Variants in MMP26 observed in about 807,000 individuals in gnomAD.
The protein encoded by MMP26 is matrix metallopeptidase 26.
Under a neutral mutation model 31.0 loss-of-function variants are expected in MMP26, and 33 were observed. That is an observed-to-expected ratio of 1.06 (90% CI 0.81 to 1.42). The LOEUF (loss-of-function observed/expected upper bound fraction) is 1.42, where lower values mean the gene tolerates loss of function less well. MMP26 is among the 40% of genes most tolerant of loss of function. The pLI, the probability that MMP26 is intolerant of heterozygous loss-of-function variation, is 0.00. For missense variants in MMP26, 347 were observed against 316.1 expected (o/e 1.10, Z -0.74); for synonymous variants, 122 against 114.9 (o/e 1.06, Z -0.40).
chr11:4,882,968 A>G, intron 2 of MMP26: 2 of 1,028,338 alleles, frequency 1.9e-6, no homozygotes, highest in South Asian at 1.6e-5. Context: ...TTGGTTGCTG[A>G]GTCAATTCCA....
intron 2 of MMP26, among the ~76,000 whole-genome samples, chr11:4,861,429 C>A (rs1850157098): frequency 6.6e-6 from 1 of 150,494 alleles, no homozygotes; most frequent in Admixed American, 6.6e-5. Flanking sequence ...AAAGTAATTG[C>A]AGTTTTTGCC....
rs147532743 is a variant in MMP26 at position 4,915,473 on chromosome 11, A to C, written c.-144-72595A>C. On this transcript the variant is annotated intron_variant, in intron 2 of 7. Transcript: ENST00000380390. ...AGCCAGCATGGACAGGAAGAGATACATAGGTTCATGAAGTGAGCGCTCTGT... is the reference window on the plus strand; with the variant it reads ...AGCCAGCATGGACAGGAAGAGATACCTAGGTTCATGAAGTGAGCGCTCTGT... 35 of 1,614,158 alleles carry C rather than the reference A, an allele frequency of 2.2e-5. No individual in the cohort carries two copies. Among genetic ancestry groups the C allele is most frequent in the Non-Finnish European group, 2.7e-5 (32 of 1,180,028 alleles).
At chr11:4,857,504 T>A (rs941108491) in intron 2 of MMP26, among the ~76,000 whole-genome samples, 1 of 151,726 alleles carries the variant, frequency 6.6e-6, no homozygotes, top group Non-Finnish European at 1.5e-5. Flanking sequence ...GGACACATAC[T>A]CTCTCCCAAG....
intron 2 of MMP26, among the ~76,000 whole-genome samples, chr11:4,796,126 G>A (rs7943970): frequency 0.015 from 2,269 of 152,222 alleles, 62 homozygotes; most frequent in African/African-American, 0.051. Context: ...TGCAGTTCCC[G>A]GGAAAAGTAG....
chr11:4,706,098 T>C (rs1847773296), intron 1 of MMP26, among the ~76,000 whole-genome samples: 1 of 152,082 alleles, frequency 6.6e-6, no homozygotes, highest in African/African-American at 2.4e-5. Context: ...TTCTATGAGC[T>C]ATGTACAGTG....
intron 1 of MMP26, among the ~76,000 whole-genome samples, chr11:4,716,650 CTTTTT>C (rs71050424): frequency 3.1e-5 from 2 of 65,004 alleles, no homozygotes; most frequent in African/African-American, 6.8e-5. Context: ...TCTCTTACCT[CTTTTT>C]TTTTTTTTTT....
At chr11:4,889,642 C>T (rs1043069554) in intron 2 of MMP26, 3 of 152,174 alleles carry the variant, frequency 2.0e-5, no homozygotes, top group Non-Finnish European at 4.4e-5. Context: ...TGTCTTCACA[C>T]AATATACAAT....
rs146005385 is a variant in MMP26, at chr11:4,821,696, G to A, written c.-145+54355G>A. On this transcript the variant is annotated intron_variant, in intron 2 of 7. Coordinates refer to ENST00000380390, the MANE Select transcript of MMP26 (RefSeq NM_021801.5). ...CTTGGTGTCTTCTGGTTTGAAGCCCGAGAAATCAACCTAAATGCCTGCATT... is the reference window on the plus strand; with the variant it reads ...CTTGGTGTCTTCTGGTTTGAAGCCCAAGAAATCAACCTAAATGCCTGCATT... 221 of 1,613,954 alleles carry A rather than the reference G, an allele frequency of 1.4e-4. No homozygotes were observed. In the African/African-American group the frequency reaches 2.0e-3, roughly 15 times the overall value.
At chr11:4,914,240 T>C (rs7112101) in intron 2 of MMP26, 73,605 of 157,198 alleles carry the variant, frequency 0.47, 18,030 homozygotes, top group African/African-American at 0.6. Flanking sequence ...TACATGGGCC[T>C]TCTCCACGTC....
chr11:4,890,628 G>A (rs976213188), intron 2 of MMP26: 3 of 152,076 alleles, frequency 2.0e-5, no homozygotes, highest in Non-Finnish European at 4.4e-5. Flanking sequence ...TCTCAGGTCT[G>A]AAATGACACT....
At chr11:4,902,513 A>G (rs917796652) in intron 2 of MMP26, among the ~76,000 whole-genome samples, 1 of 151,800 alleles carries the variant, frequency 6.6e-6, no homozygotes, top group African/African-American at 2.4e-5. Flanking sequence ...TCTTTATCCA[A>G]CCTTCTGTTG....
intron 1 of MMP26, among the ~76,000 whole-genome samples, chr11:4,737,410 G>A (rs994822942): frequency 7.9e-5 from 12 of 152,154 alleles, no homozygotes; most frequent in African/African-American, 2.7e-4. Flanking sequence ...TTGGGAGGCC[G>A]AGGTGGGTGG....
chr11:4,729,599 T>A (rs1423754914), intron 1 of MMP26, among the ~76,000 whole-genome samples: 1 of 152,148 alleles, frequency 6.6e-6, no homozygotes. Context: ...CTTGGAGGTA[T>A]TGAGCAGAGT....
chr11:4,825,715 T>G (rs1001919785), intron 2 of MMP26, among the ~76,000 whole-genome samples: 1 of 152,128 alleles, frequency 6.6e-6, no homozygotes, highest in Non-Finnish European at 1.5e-5. Context: ...GCCATTGAAT[T>G]TCAAGGATTA....
chr11:4,799,760 A>G (rs1849156558), intron 2 of MMP26, among the ~76,000 whole-genome samples: 1 of 152,254 alleles, frequency 6.6e-6, no homozygotes, highest in African/African-American at 2.4e-5. Flanking sequence ...ATGGTGGTAC[A>G]GGCATTGGTT....
chr11:4,863,041 C>T (rs1480585405), intron 2 of MMP26, among the ~76,000 whole-genome samples: 1 of 152,150 alleles, frequency 6.6e-6, no homozygotes, highest in South Asian at 2.1e-4. Context: ...GTGGAAATGA[C>T]CAGCTGGTTC....
intron 2 of MMP26, chr11:4,849,339 T>C: frequency 1.2e-6 from 1 of 841,796 alleles, no homozygotes; most frequent in South Asian, 1.7e-5. Flanking sequence ...TGCACTCACA[T>C]ACACGTACAC....
intron 2 of MMP26, among the ~76,000 whole-genome samples, chr11:4,858,022 A>G (rs1462371507): frequency 2.0e-5 from 3 of 152,338 alleles, no homozygotes; most frequent in Middle Eastern, 3.4e-3. Flanking sequence ...ACAAAATTCA[A>G]CAGCCCTTCA....
intron 2 of MMP26, among the ~76,000 whole-genome samples, chr11:4,857,062 C>T (rs961259786): frequency 6.6e-6 from 1 of 152,136 alleles, no homozygotes; most frequent in African/African-American, 2.4e-5. Context: ...CTCTGGGACA[C>T]ATTTAAAGCA....
Sources: gnomAD v4.1 joint callset for allele counts (sites outside exome capture counted in the v4.1 genomes callset) on GRCh38, gnomAD v4.1.1 for gene constraint, MANE v1.5 for transcripts, NCBI Gene and HGNC (gene_info 2026-07-23, HGNC 2026-07-21) for gene names.